MRPL13: variants seen among roughly 807,000 people sequenced by gnomAD.
The protein encoded by MRPL13 is mitochondrial ribosomal protein L13.
In MRPL13, 33 loss-of-function variants were observed where a neutral mutation model predicts 29.0. That is an observed-to-expected ratio of 1.14 (90% CI 0.86 to 1.52). The LOEUF (loss-of-function observed/expected upper bound fraction) is 1.52. Among genes scored for constraint, MRPL13 ranks in the 40% most tolerant of loss-of-function variants. MRPL13 has a pLI of 0.00. For missense variants in MRPL13, 227 were observed against 216.7 expected, an observed-to-expected ratio of 1.05 and a Z score of -0.30; for synonymous variants, 77 against 68.4, an observed-to-expected ratio of 1.13 and a Z score of -0.62.
chr8:120,421,693 A>G (rs1198732806), intron 4 of MRPL13, among the ~76,000 whole-genome samples: 1 of 151,906 alleles, frequency 6.6e-6, no homozygotes, highest in Non-Finnish European at 1.5e-5. Context: ...AATATTTCCT[A>G]AGCCTTCCTC....
At chr8:120,419,959 A>G (rs1812850429) in intron 4 of MRPL13, 21 bp from the exon 5 acceptor site, 1 of 1,475,474 alleles carries the variant, frequency 6.8e-7, no homozygotes, top group Non-Finnish European at 9.1e-7. Context: ...TACATAGGAC[A>G]CAATAAGAAA....
rs1563779041 is a variant in MRPL13 at position 120,443,317 on chromosome 8, GGAA to G, written c.28-12_28-10del. 18 of 1,415,878 alleles carry G rather than the reference GGAA, an allele frequency of 1.3e-5. No homozygotes were observed. Among genetic ancestry groups the G allele is most frequent in the Admixed American group, 8.6e-5 (3 of 34,970 alleles). 87.7% of individuals were successfully genotyped at this position (1,415,878 alleles called of 1,614,324 possible). A position where few individuals can be genotyped will look rare whatever the true frequency, so the allele number is the denominator to read the frequency against. The stretch of plus-strand genomic sequence containing the variant: ...GCAAAAGTGGCCCATTGCTTGGGGG[GGAA>G]AAAAAAAAAAAAGAAGAGGAAAAAA... On this transcript the variant is annotated splice_polypyrimidine_tract_variant and intron_variant, in intron 1 of 6. Transcript: ENST00000306185.
intron 6 of MRPL13, among the ~76,000 whole-genome samples, chr8:120,406,204 G>A (rs1488086801): frequency 6.6e-6 from 1 of 152,034 alleles, no homozygotes; most frequent in Admixed American, 6.6e-5. Flanking sequence ...AGAAATATAA[G>A]TTGTATTTTA....
At chr8:120,444,871 G>A in intron 1 of MRPL13, 197 bp downstream of exon 1, 42 of 504,084 alleles carry the variant, frequency 8.3e-5, no homozygotes, top group South Asian at 1.7e-4. Flanking sequence ...AGATTGAAAA[G>A]AAGAGGGGAC....
chr8:120,422,653 A>G (rs1331909580), intron 4 of MRPL13, among the ~76,000 whole-genome samples: 3 of 149,792 alleles, frequency 2.0e-5, no homozygotes, highest in African/African-American at 7.3e-5. Flanking sequence ...AAAGTAATTA[A>G]AAATTTAGTT....
chr8:120,415,903 A>G (rs1563773168), intron 5 of MRPL13: 1 of 152,178 alleles, frequency 6.6e-6, no homozygotes, highest in Admixed American at 6.5e-5. Context: ...AATTCCCTAG[A>G]TCAGTTGTAA....
intron 3 of MRPL13, among the ~76,000 whole-genome samples, chr8:120,429,499 A>C (rs1407199660): frequency 1.3e-5 from 2 of 152,024 alleles, no homozygotes; most frequent in Non-Finnish European, 2.9e-5. Context: ...AAGTTAAAAA[A>C]AAAAAACAAA....
In MRPL13 at chr8:120,428,409, A is replaced by C. The variant is rs575806532; in HGVS notation, c.246-3043T>G. Among the ~76,000 whole-genome samples the C allele has an allele frequency of 7.2e-5, 11 of 152,336 alleles. No individual in the cohort carries two copies. The East Asian group carries it at 1.7e-3, about 24-fold the overall frequency. On this transcript the variant is annotated intron_variant, in intron 3 of 6. Coordinates refer to ENST00000306185, the MANE Select transcript of MRPL13 (RefSeq NM_014078.6). ...AAAAACCCTGGAAGACAACCTAGGC[A>C]ATATCATTAAGAACACAGGCATGGG...
At chr8:120,403,497 T>A (rs577516767) in intron 6 of MRPL13, among the ~76,000 whole-genome samples, 1 of 151,458 alleles carries the variant, frequency 6.6e-6, no homozygotes, top group South Asian at 2.1e-4. Flanking sequence ...TTAGGAGGGG[T>A]TGGGGGAGGG....
chr8:120,414,171 T>A, intron 5 of MRPL13, 59 bp from the exon 6 acceptor site: 3 of 1,219,680 alleles, frequency 2.5e-6, no homozygotes, highest in South Asian at 2.0e-5. Context: ...AGCAATAAAT[T>A]ACTAATACTT....
At chr8:120,426,600 G>A (rs1306340062) in intron 3 of MRPL13, among the ~76,000 whole-genome samples, 1 of 152,126 alleles carries the variant, frequency 6.6e-6, no homozygotes, top group Non-Finnish European at 1.5e-5. Flanking sequence ...TATTTCAGAA[G>A]TCTGGACTTT....
At chr8:120,429,141 T>C (rs1449253186) in intron 3 of MRPL13, among the ~76,000 whole-genome samples, 2 of 152,134 alleles carry the variant, frequency 1.3e-5, no homozygotes, top group Non-Finnish European at 2.9e-5. Flanking sequence ...GTAGTACATA[T>C]ATACCATGAA....
chr8:120,419,750 T>C lies in MRPL13; in HGVS notation c.393+102A>G, dbSNP rs1184718145. On this transcript the variant is annotated intron_variant, in intron 5 of 6. Coordinates refer to ENST00000306185, the MANE Select transcript of MRPL13 (RefSeq NM_014078.6). ...TACAAAAATATTTCAGAAGTTGACA[T>C]AAAATTTTTGAAAATAAGTCTGTGG... The C allele has an allele frequency of 1.1e-5, 8 of 739,164 alleles. No homozygotes were observed. In the African/African-American group the frequency reaches 1.1e-4, roughly 10 times the overall value. 45.8% of individuals were successfully genotyped at this position (739,164 alleles called of 1,614,324 possible). A position where few individuals can be genotyped will look rare whatever the true frequency, so the allele number is the denominator to read the frequency against.
intron 4 of MRPL13, among the ~76,000 whole-genome samples, chr8:120,420,996 G>A (rs910898891): frequency 1.3e-5 from 2 of 151,658 alleles, no homozygotes; most frequent in Non-Finnish European, 2.9e-5. Context: ...ACAAATGTAC[G>A]TAAACAAAGG....
In MRPL13 at chr8:120,415,200, G is replaced by C. The variant is rs367786709; in HGVS notation, c.394-1088C>G. On this transcript the variant is annotated intron_variant, in intron 5 of 6. Coordinates refer to ENST00000306185, the MANE Select transcript of MRPL13 (RefSeq NM_014078.6). Reference sequence around the variant, plus strand: ...CTGTATTGAGACTGGATGATAAATTGATTTTGGGAACTCTTTTTAAATAAC... The same window carrying C: ...CTGTATTGAGACTGGATGATAAATTCATTTTGGGAACTCTTTTTAAATAAC... 8.0e-4 allele frequency: 122 copies of C among 152,314 alleles called. 1 individual carries two copies. The highest frequency in any genetic ancestry group is 2.8e-3 in the African/African-American group (115 of 41,572). 9.4% of individuals were successfully genotyped at this position (152,314 alleles called of 1,614,324 possible).
intron 5 of MRPL13, chr8:120,414,534 C>T (rs1463743269): frequency 2.0e-5 from 3 of 152,196 alleles, no homozygotes. Context: ...ATTTATTGAA[C>T]TTCTAAGAAC....
At chr8:120,412,562 T>G (rs1445105272) in intron 6 of MRPL13, among the ~76,000 whole-genome samples, 1 of 152,198 alleles carries the variant, frequency 6.6e-6, no homozygotes, top group Non-Finnish European at 1.5e-5. Context: ...TCAGCTACTA[T>G]AGAGGCAAGA....
chr8:120,406,011 A>T (rs1437596644), intron 6 of MRPL13, among the ~76,000 whole-genome samples: 1 of 152,198 alleles, frequency 6.6e-6, no homozygotes, highest in Non-Finnish European at 1.5e-5. Flanking sequence ...GTTTCATTGG[A>T]AATAACAAAT....
intron 6 of MRPL13, among the ~76,000 whole-genome samples, chr8:120,403,858 C>G (rs1318193440): frequency 6.6e-6 from 1 of 152,156 alleles, no homozygotes; most frequent in Non-Finnish European, 1.5e-5. Flanking sequence ...AATAACTCTA[C>G]TAGAATTTTA....
Sources: gnomAD v4.1 joint callset for allele counts (sites outside exome capture counted in the v4.1 genomes callset) on GRCh38, gnomAD v4.1.1 for gene constraint, MANE v1.5 for transcripts, NCBI Gene and HGNC (gene_info 2026-07-23, HGNC 2026-07-21) for gene names.